PRPF18: variants seen among roughly 807,000 people sequenced by gnomAD.
PRPF18 encodes pre-mRNA processing factor 18.
Under a neutral mutation model 46.5 loss-of-function variants are expected in PRPF18, and 38 were observed. That is an observed-to-expected ratio of 0.82 (90% CI 0.63 to 1.07). PRPF18 has a LOEUF of 1.07. Among genes scored for constraint, PRPF18 ranks in the 50% least tolerant of loss-of-function variants. The pLI, the probability that PRPF18 is intolerant of heterozygous loss-of-function variation, is 0.00. For missense variants in PRPF18, 263 were observed against 410.0 expected, an observed-to-expected ratio of 0.64 and a Z score of 3.10; for synonymous variants, 152 against 146.7, an observed-to-expected ratio of 1.04 and a Z score of -0.26.
At chr10:13,650,356 G>A in the PRPF18 span, among the ~76,000 whole-genome samples, 35 of 152,284 alleles carry the variant, frequency 2.3e-4, no homozygotes, top group African/African-American at 7.9e-4. Flanking sequence ...GTCTGGGAAG[G>A]TGCTGTTGCT....
the PRPF18 span, chr10:13,648,093 G>A: frequency 6.6e-5 from 10 of 152,188 alleles, no homozygotes; most frequent in African/African-American, 2.4e-4. Flanking sequence ...AGGAACAACT[G>A]GATGTTGTAA....
chr10:13,605,184 T>C (rs749460816), intron 3 of PRPF18, among the ~76,000 whole-genome samples: 1 of 152,216 alleles, frequency 6.6e-6, no homozygotes, highest in Non-Finnish European at 1.5e-5. Context: ...ATTTTATACT[T>C]TACACAGAGG....
chr10:13,614,256 G>A (rs1296455568), intron 8 of PRPF18, among the ~76,000 whole-genome samples, 170 bp downstream of exon 8: 1 of 152,194 alleles, frequency 6.6e-6, no homozygotes, highest in Non-Finnish European at 1.5e-5. Context: ...CAGCTTTACT[G>A]TTAGGCAGTG....
intron 8 of PRPF18, 27 bp downstream of exon 8, chr10:13,614,113 T>C (rs765794381): frequency 3.4e-6 from 5 of 1,487,352 alleles, no homozygotes; most frequent in East Asian, 2.3e-5. Flanking sequence ...TTCTTTGAAA[T>C]TGTTAAGAGT....
chr10:13,622,454 G>A (rs544068778), intron 9 of PRPF18, among the ~76,000 whole-genome samples: 1 of 152,166 alleles, frequency 6.6e-6, no homozygotes, highest in South Asian at 2.1e-4. Flanking sequence ...AAAAAAGCCA[G>A]ACCAGTCTCT....
At chr10:13,612,215 A>C (rs938898373) in intron 6 of PRPF18, among the ~76,000 whole-genome samples, 1 of 152,130 alleles carries the variant, frequency 6.6e-6, no homozygotes, top group Non-Finnish European at 1.5e-5. Context: ...AAGCTGGCTC[A>C]TTAATGTAAA....
At chr10:13,594,906 C>T (rs1489721273) in intron 1 of PRPF18, among the ~76,000 whole-genome samples, 1 of 152,194 alleles carries the variant, frequency 6.6e-6, no homozygotes, top group East Asian at 1.9e-4. Context: ...GGAAACCATT[C>T]TACTTTAGTA....
intron 9 of PRPF18, among the ~76,000 whole-genome samples, chr10:13,617,872 A>AT (rs1378084135): frequency 4.4e-4 from 67 of 152,190 alleles, no homozygotes; most frequent in African/African-American, 1.5e-3. Context: ...CCCCTAGGTG[A>AT]TTAGAGAAAA....
At chr10:13,619,258 T>C (rs80206133) in intron 9 of PRPF18, among the ~76,000 whole-genome samples, 1 of 152,260 alleles carries the variant, frequency 6.6e-6, no homozygotes, top group Admixed American at 6.5e-5. Flanking sequence ...GGTAGAACTT[T>C]CTGATGGAAG....
chr10:13,624,543 C>G (rs12219773), intron 9 of PRPF18, among the ~76,000 whole-genome samples: 1 of 152,176 alleles, frequency 6.6e-6, no homozygotes, highest in East Asian at 1.9e-4. Flanking sequence ...CCGCCCTCCT[C>G]CCACTCTAGC....
At chr10:13,605,335 G>C (rs1171356438) in intron 3 of PRPF18, among the ~76,000 whole-genome samples, 4 of 152,062 alleles carry the variant, frequency 2.6e-5, no homozygotes, top group African/African-American at 9.7e-5. Context: ...TGTAATCCCA[G>C]CACTTTGGGA....
the PRPF18 span, chr10:13,651,510 T>C: frequency 6.3e-5 from 12 of 190,108 alleles, no homozygotes; most frequent in Admixed American, 3.4e-4. Context: ...CTGGCCAACA[T>C]GGCAAAACCC....
At chr10:13,632,976 T>G (rs2296595), downstream of PRPF18, among the ~76,000 whole-genome samples, 23 of 152,328 alleles carry the variant, frequency 1.5e-4, no homozygotes, top group East Asian at 2.7e-3. Flanking sequence ...CATAAAACAC[T>G]GAGTTCCCTT....
chr10:13,634,498 A>G (rs2080617940), downstream of PRPF18, among the ~76,000 whole-genome samples: 1 of 152,228 alleles, frequency 6.6e-6, no homozygotes, highest in African/African-American at 2.4e-5. Context: ...CAGTTTTACA[A>G]CTTGCCAAAA....
downstream of PRPF18, chr10:13,631,575 A>AT (rs1439605564): frequency 1.3e-5 from 2 of 152,268 alleles, no homozygotes; most frequent in Non-Finnish European, 2.9e-5. Flanking sequence ...GAGCTCGTAA[A>AT]TATTAGTTGT....
downstream of PRPF18, chr10:13,632,605 C>T (rs997011713): frequency 4.6e-5 from 7 of 152,136 alleles, no homozygotes; most frequent in African/African-American, 9.7e-5. Flanking sequence ...ACACCAGTAC[C>T]TCCTAAAATT....
intron 9 of PRPF18, 30 bp downstream of exon 9, chr10:13,616,583 C>T (rs1020867106): frequency 1.2e-6 from 2 of 1,609,302 alleles, no homozygotes; most frequent in Non-Finnish European, 8.5e-7. Flanking sequence ...GGGAATTGCC[C>T]TGGAAGTGAA....
intron 9 of PRPF18, among the ~76,000 whole-genome samples, chr10:13,627,456 A>G (rs563221911): frequency 1.3e-5 from 2 of 152,398 alleles, no homozygotes; most frequent in Admixed American, 6.5e-5. Flanking sequence ...GCCATTTGCC[A>G]TAAGCTAAGC....
Position 13,590,455 on chromosome 10 carries a change from AT to A in PRPF18, c.66+3304del, listed in dbSNP as rs1331266314. ...TACTGAAAATACAAAAAAAAAAAATATATATATATATATATATTAGCTGGGC... is the reference window on the plus strand; with the variant it reads ...TACTGAAAATACAAAAAAAAAAAATAATATATATATATATATTAGCTGGGC... On this transcript the variant is annotated intron_variant, in intron 1 of 9. Coordinates refer to ENST00000378572, the MANE Select transcript of PRPF18 (RefSeq NM_003675.4). 4.2e-4 allele frequency among the ~76,000 whole-genome samples: 47 copies of A among 113,036 alleles called. 2 individuals carry two copies. The highest frequency in any genetic ancestry group is 1.3e-3 in the South Asian group (5 of 3,892). 74.2% of individuals were successfully genotyped at this position (113,036 alleles called of 152,430 possible). A position where few individuals can be genotyped will look rare whatever the true frequency, so the allele number is the denominator to read the frequency against.
Sources: allele counts gnomAD v4.1 joint callset (sites outside exome capture counted in the v4.1 genomes callset), GRCh38; gene constraint gnomAD v4.1.1; transcripts MANE v1.5; gene names NCBI Gene and HGNC (gene_info 2026-07-23, HGNC 2026-07-21).